DAPK1: variants seen among roughly 807,000 people sequenced by gnomAD.
DAPK1 encodes death associated protein kinase 1.
A neutral mutation model predicts 144.9 loss-of-function variants in DAPK1; 56 were observed. The ratio of observed to expected loss-of-function variants is 0.39; its 90% confidence interval spans 0.31 to 0.48. The LOEUF (loss-of-function observed/expected upper bound fraction) is 0.48. Among genes scored for constraint, DAPK1 ranks in the 20% least tolerant of loss-of-function variants. The pLI, the probability that DAPK1 is intolerant of heterozygous loss-of-function variation, is 0.95. For missense variants in DAPK1, 1,454 were observed against 1,875.4 expected (o/e 0.78, Z 4.15); for synonymous variants, 690 against 749.0 (o/e 0.92, Z 1.29).
At chr9:87,632,759 G>A in intron 3 of DAPK1, 14 of 982,000 alleles carry the variant, frequency 1.4e-5, no homozygotes, top group Non-Finnish European at 1.7e-5. Flanking sequence ...GAAGAAGGAG[G>A]ATGAGTATAT....
At chr9:87,516,312 T>C (rs1021720559) in intron 2 of DAPK1, among the ~76,000 whole-genome samples, 3 of 152,144 alleles carry the variant, frequency 2.0e-5, no homozygotes, top group Non-Finnish European at 4.4e-5. Flanking sequence ...GTCATAGCTG[T>C]GGTCTAGGCC....
At chr9:87,645,533 C>T (rs1284219250) in intron 11 of DAPK1, among the ~76,000 whole-genome samples, 1 of 152,162 alleles carries the variant, frequency 6.6e-6, no homozygotes, top group Non-Finnish European at 1.5e-5. Flanking sequence ...GGAAGAGAGT[C>T]TGTGTTATAC....
At chr9:87,676,762 A>G (rs960859988) in intron 19 of DAPK1, among the ~76,000 whole-genome samples, 1 of 152,174 alleles carries the variant, frequency 6.6e-6, no homozygotes, top group Non-Finnish European at 1.5e-5. Flanking sequence ...AGGGTGCCCT[A>G]TTCAGGAAGT....
chr9:87,705,520 C>T (rs1825607322), intron 25 of DAPK1, among the ~76,000 whole-genome samples: 1 of 152,172 alleles, frequency 6.6e-6, no homozygotes, highest in East Asian at 1.9e-4. Context: ...CGGTGCCCAG[C>T]CTACTACATT....
intron 2 of DAPK1, among the ~76,000 whole-genome samples, chr9:87,511,128 C>G (rs948046894): frequency 1.3e-5 from 2 of 152,206 alleles, no homozygotes; most frequent in African/African-American, 4.8e-5. Context: ...TCCTCCCTCT[C>G]TTCTCCTCTG....
rs190709122 is a variant in DAPK1, at chr9:87,703,356, C to T, written c.3060+139C>T. ...CCAGCTAACCTACAACATTTCCACA[C>T]GTGTGACAAACACAGCCTCAAGTGA... is the stretch of plus-strand genomic sequence containing the variant. On this transcript the variant is annotated intron_variant, in intron 25 of 25. Coordinates refer to ENST00000408954, the MANE Select transcript of DAPK1 (RefSeq NM_004938.4). 2.3e-4 allele frequency: 139 copies of T among 602,538 alleles called. No individual in the cohort carries two copies. In the East Asian group the frequency reaches 3.5e-3, roughly 15 times the overall value. The allele number at this position is 602,538 out of a possible 1,614,324, so 37.3% of individuals were successfully genotyped here.
rs139618719 is a variant in DAPK1, at chr9:87,603,766, G to A, written c.63-1188G>A. Among the ~76,000 whole-genome samples, 579 of 152,234 alleles carry A rather than the reference G, an allele frequency of 3.8e-3. 4 individuals carry two copies. Among genetic ancestry groups the A allele is most frequent in the African/African-American group, 0.011 (447 of 41,544 alleles). Reference sequence around the variant, plus strand: ...GAACGAAGGGCACCAGCATGGGGCCGGGAGGGTCTTTCCGTTGTGTTCCGC... The same window carrying A: ...GAACGAAGGGCACCAGCATGGGGCCAGGAGGGTCTTTCCGTTGTGTTCCGC... On this transcript the variant is annotated intron_variant, in intron 2 of 25. Coordinates refer to ENST00000408954, the MANE Select transcript of DAPK1 (RefSeq NM_004938.4).
Position 87,646,825 on chromosome 9 carries a change from A to G in DAPK1, c.1230+266A>G, listed in dbSNP as rs1830283213. 2.0e-5 allele frequency among the ~76,000 whole-genome samples: 3 copies of G among 152,166 alleles called. No homozygotes were observed. In the South Asian group the frequency reaches 6.2e-4, roughly 32 times the overall value. On this transcript the variant is annotated intron_variant, in intron 13 of 25. Coordinates refer to ENST00000408954, the MANE Select transcript of DAPK1 (RefSeq NM_004938.4). ...CCAGATTTTACTTCTTACCGATCAC[A>G]TTTACTCAACAATGTTAGATGTCAC...
Position 87,620,391 on chromosome 9 carries a change from C to G in DAPK1, c.284+15216C>G, listed in dbSNP as rs36208753. Among the ~76,000 whole-genome samples, 978 of 152,322 alleles carry G rather than the reference C, an allele frequency of 6.4e-3. 12 individuals are homozygous for G. Among genetic ancestry groups the G allele is most frequent in the African/African-American group, 0.022 (910 of 41,550 alleles). On this transcript the variant is annotated intron_variant, in intron 3 of 25. Transcript: ENST00000408954. The stretch of plus-strand genomic sequence containing the variant: ...AAGGGAAGAATCGCTCTGCTCTATG[C>G]CTGTTAAAATTGCGGCTCTCCATGT...
chr9:87,691,395 G>A (rs1825048933), intron 21 of DAPK1, among the ~76,000 whole-genome samples: 1 of 151,732 alleles, frequency 6.6e-6, no homozygotes, highest in African/African-American at 2.4e-5. Flanking sequence ...TTCTAGGTCA[G>A]TCTAGCAAAT....
At chr9:87,520,418 C>T (rs904144174) in intron 2 of DAPK1, among the ~76,000 whole-genome samples, 66 of 152,134 alleles carry the variant, frequency 4.3e-4, no homozygotes, top group African/African-American at 1.5e-3. Context: ...GGGACAGGCA[C>T]AGCTGGAGAC....
intron 2 of DAPK1, among the ~76,000 whole-genome samples, chr9:87,531,370 G>T (rs1032755276): frequency 6.6e-6 from 1 of 152,188 alleles, no homozygotes; most frequent in Non-Finnish European, 1.5e-5. Flanking sequence ...TTCCCTTGGG[G>T]CTTTCCTGTG....
chr9:87,554,205 C>G (rs894728711), intron 2 of DAPK1: 3 of 152,180 alleles, frequency 2.0e-5, no homozygotes, highest in African/African-American at 7.2e-5. Flanking sequence ...ACCTACTGAT[C>G]CATTAAAATT....
chr9:87,525,311 C>G (rs547013389), intron 2 of DAPK1: 1 of 1,608,580 alleles, frequency 6.2e-7, no homozygotes, highest in East Asian at 2.2e-5. Context: ...GATGGGTCAC[C>G]AGCAGCTGTA....
In DAPK1 at chr9:87,639,383, T is replaced by C; in HGVS notation, c.453T>C (p.Asn151=). Residue 151 remains asparagine, a synonymous_variant, in exon 5 of 26, where the codon AAT becomes AAC. Coordinates refer to ENST00000408954, the MANE Select transcript of DAPK1 (RefSeq NM_004938.4). ...KPENIMLLDR[N]VPKPRIKIID... Reference sequence around the variant, plus strand: ...AGAACATAATGCTTTTGGATAGAAATGTCCCCAAACCTCGGATCAAGATCA... The same window carrying C: ...AGAACATAATGCTTTTGGATAGAAACGTCCCCAAACCTCGGATCAAGATCA... 1 of 1,611,192 alleles carries C rather than the reference T, an allele frequency of 6.2e-7. No individual in the cohort carries two copies. The highest frequency in any genetic ancestry group is 8.5e-7 in the Non-Finnish European group (1 of 1,179,276).
chr9:87,535,953 G>GA (rs1825847840), intron 2 of DAPK1, among the ~76,000 whole-genome samples: 1 of 152,162 alleles, frequency 6.6e-6, no homozygotes, highest in South Asian at 2.1e-4. Flanking sequence ...TTCCACAGCA[G>GA]ACTGTTACCT....
intron 2 of DAPK1, among the ~76,000 whole-genome samples, chr9:87,587,542 G>A (rs1376420726): frequency 6.6e-6 from 1 of 152,136 alleles, no homozygotes; most frequent in Non-Finnish European, 1.5e-5. Context: ...TTATCCCAGG[G>A]TGAGGTTACC....
At chr9:87,682,471 G>T (rs944401528) in intron 20 of DAPK1, among the ~76,000 whole-genome samples, 9 of 152,192 alleles carry the variant, frequency 5.9e-5, no homozygotes, top group African/African-American at 2.2e-4. Context: ...TCACAGAAGA[G>T]CCAGGTCTGT....
intron 21 of DAPK1, among the ~76,000 whole-genome samples, chr9:87,687,766 A>G (rs1325464168): frequency 6.6e-6 from 1 of 151,978 alleles, no homozygotes; most frequent in Non-Finnish European, 1.5e-5. Flanking sequence ...CCAACAGTAT[A>G]TAAGAATTCT....
Sources: gnomAD v4.1 joint callset for allele counts (sites outside exome capture counted in the v4.1 genomes callset) on GRCh38, gnomAD v4.1.1 for gene constraint, MANE v1.5 for transcripts, NCBI Gene and HGNC (gene_info 2026-07-23, HGNC 2026-07-21) for gene names.